The following CPS1 variants were observed in gnomAD, a reference collection of about 807,000 sequenced individuals.
CPS1 encodes carbamoyl-phosphate synthase [ammonia], mitochondrial.
In CPS1, 109 loss-of-function variants were observed where a neutral mutation model predicts 174.6. The ratio of observed to expected loss-of-function variants is 0.62; its 90% CI spans 0.53 to 0.73. The LOEUF (loss-of-function observed/expected upper bound fraction) is 0.73. Ranked by LOEUF, CPS1 falls within the 30% of genes least tolerant of loss-of-function variation. The probability of loss-of-function intolerance (pLI) is 0.00; values close to 1 mark genes in which losing one functional copy is unlikely to be tolerated. For synonymous variants in CPS1, 637 were observed against 632.0 expected (o/e 1.01, Z -0.12); for missense variants, 1,689 against 1,821.9 (o/e 0.93, Z 1.33).
chr2:210,619,981 G>A (rs759284889), intron 21 of CPS1: 5 of 151,974 alleles, frequency 3.3e-5, no homozygotes, highest in Non-Finnish European at 7.4e-5. Flanking sequence ...AATACCTAAT[G>A]TAGATGACGG....
At chr2:210,616,105 G>A (rs992214267) in intron 20 of CPS1, among the ~76,000 whole-genome samples, 3 of 152,012 alleles carry the variant, frequency 2.0e-5, no homozygotes, top group Non-Finnish European at 4.4e-5. Context: ...TAATTCCAAA[G>A]AGATGTACCA....
chr2:210,604,628 A>C (rs960670574), intron 16 of CPS1, among the ~76,000 whole-genome samples: 5 of 151,796 alleles, frequency 3.3e-5, no homozygotes, highest in African/African-American at 1.2e-4. Context: ...AACCATCATC[A>C]TCTCCTTTCT....
At chr2:210,674,134 A>G (rs1701420575) in intron 34 of CPS1, 1 of 152,188 alleles carries the variant, frequency 6.6e-6, no homozygotes, top group Admixed American at 6.5e-5. Flanking sequence ...TACTAGGAAA[A>G]TGGCCTAGTT....
intron 1 of CPS1, among the ~76,000 whole-genome samples, chr2:210,480,958 G>A (rs1403826823): frequency 1.3e-5 from 2 of 152,178 alleles, no homozygotes; most frequent in African/African-American, 4.8e-5. Context: ...ATAAACAGAT[G>A]TACACCAAGC....
At chr2:210,502,779 G>A (rs569054708) in intron 1 of CPS1, among the ~76,000 whole-genome samples, 3 of 151,998 alleles carry the variant, frequency 2.0e-5, no homozygotes, top group Non-Finnish European at 4.4e-5. Flanking sequence ...TTTGAGTGAG[G>A]GGTTCAGTTC....
rs371943422 is a variant in CPS1, at chr2:210,512,828, A to G, written c.3+35062A>G. 3.4e-4 allele frequency among the ~76,000 whole-genome samples: 42 copies of G among 121,856 alleles called. 1 individual carries two copies. Among genetic ancestry groups the G allele is most frequent in the Non-Finnish European group, 4.8e-4 (29 of 59,866 alleles). The allele number at this position is 121,856 out of a possible 152,430, so 79.9% of individuals were successfully genotyped here. On this transcript the variant is annotated intron_variant, in intron 1 of 38. Transcript: ENST00000430249. The stretch of plus-strand genomic sequence containing the variant: ...TATATGGAGAGAGAGAGATATATAT[A>G]TGGAGATATACATATATGGAGATAT...
intron 1 of CPS1, among the ~76,000 whole-genome samples, chr2:210,527,630 G>T (rs1443705195): frequency 1.3e-5 from 2 of 151,902 alleles, no homozygotes; most frequent in East Asian, 3.9e-4. Flanking sequence ...TGCCTTAATA[G>T]AACCTTCTAT....
chr2:210,576,601 A>C (rs1165707658), intron 3 of CPS1, 111 bp downstream of exon 3: 1 of 1,114,500 alleles, frequency 9.0e-7, no homozygotes, highest in Admixed American at 1.7e-5. Flanking sequence ...AGTACAAATC[A>C]TTAAGCTCAT....
chr2:210,573,912 T>C (rs1222350358), intron 2 of CPS1, among the ~76,000 whole-genome samples: 1 of 152,114 alleles, frequency 6.6e-6, no homozygotes, highest in Non-Finnish European at 1.5e-5. Flanking sequence ...GATACATTTA[T>C]TATCTTTAAT....
rs182015196 is a variant in CPS1 at position 210,504,758 on chromosome 2, C to A, written c.3+26992C>A. Among the ~76,000 whole-genome samples, 37 of 152,308 alleles carry A rather than the reference C, an allele frequency of 2.4e-4. No individual in the cohort carries two copies. In the East Asian group the frequency reaches 7.1e-3, roughly 29 times the overall value. ...AACAGATGCTCCAAACCCAGTTCTA[C>A]CCCATGCTGGAGGACCTAAGTACAT... On this transcript the variant is annotated intron_variant, in intron 1 of 38. Transcript: ENST00000430249.
chr2:210,635,615 C>A (rs142789035), intron 21 of CPS1, among the ~76,000 whole-genome samples: 1 of 152,128 alleles, frequency 6.6e-6, no homozygotes, highest in Non-Finnish European at 1.5e-5. Context: ...TGGCTAGGGG[C>A]TGCTATGTTG....
rs1368832009 is a variant in CPS1 at position 210,590,201 on chromosome 2, T to C, written c.807T>C (p.Ala269=). Residue 269 remains alanine, a synonymous_variant, in exon 8 of 38, where the codon GCT becomes GCC. Transcript: ENST00000233072. ...ILIAGGPGNP[A]LAEPLIQNVR... is the part of the protein sequence containing the mutation. ...TCGCGGGAGGACCGGGGAACCCAGC[T>C]CTTGCAGAACCACTAATTCAGAATG... 1.2e-6 allele frequency: 2 copies of C among 1,612,862 alleles called. No homozygotes were observed. Among genetic ancestry groups the C allele is most frequent in the South Asian group, 1.1e-5 (1 of 91,066 alleles).
At chr2:210,658,916 T>C (rs1197236180) in intron 31 of CPS1, among the ~76,000 whole-genome samples, 1 of 152,164 alleles carries the variant, frequency 6.6e-6, no homozygotes, top group African/African-American at 2.4e-5. Flanking sequence ...TAAAGCACAC[T>C]GATCCACTGG....
chr2:210,486,115 T>TACACAC lies in CPS1; in HGVS notation c.3+8388_3+8393dup, dbSNP rs60740361. 6.6e-3 allele frequency among the ~76,000 whole-genome samples: 901 copies of TACACAC among 135,612 alleles called. 8 individuals are homozygous for TACACAC. Among genetic ancestry groups the TACACAC allele is most frequent in the East Asian group, 0.024 (112 of 4,722 alleles). 89.0% of individuals were successfully genotyped at this position (135,612 alleles called of 152,430 possible). A position where few individuals can be genotyped will look rare whatever the true frequency, so the allele number is the denominator to read the frequency against. On this transcript the variant is annotated intron_variant, in intron 1 of 38. Transcript: ENST00000430249. ...ATACATATATATATACACACACACA[T>TACACAC]ACACACACACACACACACACACACA...
intron 31 of CPS1, among the ~76,000 whole-genome samples, chr2:210,659,949 G>A (rs1256687550): frequency 1.3e-5 from 2 of 152,120 alleles, no homozygotes; most frequent in African/African-American, 4.8e-5. Flanking sequence ...ACAAGTTAAC[G>A]ATGGTAGAGA....
At position 210,678,057 on chromosome 2, in the gene CPS1, C is replaced by T; in HGVS notation, c.*72C>T. ...GTTATCTAAAGGAACTGATTCACAA[C>T]TTTCTCAGAGATGAATATTGATAAC... On this transcript the variant is annotated 3_prime_UTR_variant, in exon 38 of 38. Transcript: ENST00000233072. 9.0e-7 allele frequency: 1 copy of T among 1,116,906 alleles called. No homozygotes were observed. Among genetic ancestry groups the T allele is most frequent in the Non-Finnish European group, 1.4e-6 (1 of 726,232 alleles). 69.2% of individuals were successfully genotyped at this position (1,116,906 alleles called of 1,614,324 possible).
In CPS1 at chr2:210,606,855, C is replaced by A. The variant is rs533243282; in HGVS notation, c.2106C>A (p.Ala702=). ...TGGGTGAATGCAACATTCAGTTTGC[C>A]CTTCATCCTACCTCAATGGAATACT... ...GIVGECNIQF[A]LHPTSMEYCI... The change falls in exon 18 of 38, where the codon GCC becomes GCA. Residue 702 remains alanine (A), a synonymous_variant. Coordinates refer to ENST00000233072, the MANE Select transcript of CPS1 (RefSeq NM_001875.5). 25 of 1,612,486 alleles carry A rather than the reference C, an allele frequency of 1.6e-5. No individual in the cohort carries two copies. Among genetic ancestry groups the A allele is most frequent in the Non-Finnish European group, 2.0e-5 (24 of 1,179,120 alleles).
At position 210,668,207 on chromosome 2, in the gene CPS1, A is replaced by T; in HGVS notation, c.4024A>T (p.Ile1342Phe). The T allele has an allele frequency of 6.2e-7, 1 of 1,613,688 alleles. No individual in the cohort carries two copies. ...ACAGGTGGCTTGCTTTGGTGAAGGT[A>T]TTCATACAGCCTTCCTAAAGGCAAT... ...TGEVACFGEG[I>F]HTAFLKAMLS... is the part of the protein sequence containing the mutation. Residue 1342 changes from isoleucine (I) to phenylalanine (F), a missense_variant, in exon 34 of 38, where the codon ATT (isoleucine) becomes TTT (phenylalanine). By Grantham distance (21) the Ile-to-Phe change is conservative. Transcript: ENST00000233072.
intron 5 of CPS1, 119 bp downstream of exon 5, chr2:210,579,889 C>T (rs992715567): frequency 2.4e-6 from 2 of 823,872 alleles, no homozygotes; most frequent in Non-Finnish European, 4.1e-6. Context: ...TGAATCTGGC[C>T]AGCTTCTGCT....
Sources: allele counts gnomAD v4.1 joint callset (sites outside exome capture counted in the v4.1 genomes callset), GRCh38; gene constraint gnomAD v4.1.1; transcripts MANE v1.5; gene names NCBI Gene and HGNC (gene_info 2026-07-23, HGNC 2026-07-21).